Variants in MRPS7 observed in about 807,000 individuals in gnomAD.
MRPS7 encodes small ribosomal subunit protein uS7m.
MRPS7 carries 13 observed loss-of-function variants against 26.2 expected under a neutral mutation model. That is an observed-to-expected ratio of 0.50 (90% CI 0.32 to 0.79). The LOEUF (loss-of-function observed/expected upper bound fraction) is 0.79, where lower values mean the gene tolerates loss of function less well. MRPS7 is among the 30% of genes least tolerant of loss of function. MRPS7 has a pLI of 0.03. For missense variants in MRPS7, 318 were observed against 312.2 expected, an observed-to-expected ratio of 1.02 and a Z score of -0.14; for synonymous variants, 129 against 113.3, an observed-to-expected ratio of 1.14 and a Z score of -0.88.
At position 75,261,965 on chromosome 17, in the gene MRPS7, C is replaced by T; in HGVS notation, c.65C>T (p.Ala22Val). Reference protein sequence around the residue: ...WSGLALGVRRAVLQLPGLTQV... With the variant: ...WSGLALGVRRVVLQLPGLTQV... ...GGCCTGGCGTTGGGCGTGCGGCGGGCTGTCTTGCAGCTTCCAGGGTGAGAG... is the reference window on the plus strand; with the variant it reads ...GGCCTGGCGTTGGGCGTGCGGCGGGTTGTCTTGCAGCTTCCAGGGTGAGAG... The change falls in exon 1 of 5, where the codon GCT becomes GTT. Residue 22 changes from alanine (A) to valine (V), a missense_variant. Coordinates refer to ENST00000245539, the MANE Select transcript of MRPS7 (RefSeq NM_015971.4). The T allele has an allele frequency of 6.2e-7, 1 of 1,606,028 alleles. No homozygotes were observed.
chr17:75,265,649 C>T (rs929608464), intron 4 of MRPS7, 53 bp from the exon 5 acceptor site: 17 of 1,529,760 alleles, frequency 1.1e-5, no homozygotes, highest in Non-Finnish European at 1.4e-5. Context: ...GGCAGGAGGC[C>T]CCAAACCCTG....
In MRPS7 at chr17:75,265,901, T is replaced by A. The variant is rs116788769; in HGVS notation, c.707T>A (p.Leu236Gln). The change falls in exon 5 of 5, where the codon CTG becomes CAG. Residue 236 changes from leucine to glutamine, a missense_variant. Transcript: ENST00000245539. ...AAGATGGCAGAGGCCAACCGTGCCC[T>A]GGCCCACTACCGCTGGTGGTAGAGT... ...LHKMAEANRA[L>Q]AHYRWW 1 of 1,613,832 alleles carries A rather than the reference T, an allele frequency of 6.2e-7. No individual in the cohort carries two copies. The highest frequency in any genetic ancestry group is 1.3e-5 in the African/African-American group (1 of 75,064).
In MRPS7 at chr17:75,265,977, G is replaced by A; in HGVS notation, c.*54G>A. On this transcript the variant is annotated 3_prime_UTR_variant, in exon 5 of 5. Coordinates refer to ENST00000245539, the MANE Select transcript of MRPS7 (RefSeq NM_015971.4). Reference sequence around the variant, plus strand: ...GCCGCAAGAAACAGTGTGAGCTACTGCCACGCTGAAAACTACCTGTGGGTT... The same window carrying A: ...GCCGCAAGAAACAGTGTGAGCTACTACCACGCTGAAAACTACCTGTGGGTT... 1 of 1,546,280 alleles carries A rather than the reference G, an allele frequency of 6.5e-7. No homozygotes were observed.
intron 1 of MRPS7, 22 bp from the exon 2 acceptor site, chr17:75,262,475 T>G: frequency 6.2e-7 from 1 of 1,610,860 alleles, no homozygotes; most frequent in Non-Finnish European, 8.5e-7. Context: ...TTTGCCTGCC[T>G]CCTCCTTTCC....
chr17:75,261,953 G>T lies in MRPS7; in HGVS notation c.53G>T (p.Gly18Val). ...VARGWSGLAL[G>V]VRRAVLQLPG... Reference sequence around the variant, plus strand: ...CGAGGATGGTCGGGCCTGGCGTTGGGCGTGCGGCGGGCTGTCTTGCAGCTT... The same window carrying T: ...CGAGGATGGTCGGGCCTGGCGTTGGTCGTGCGGCGGGCTGTCTTGCAGCTT... Residue 18 changes from glycine to valine, a missense_variant, in exon 1 of 5, where the codon GGC becomes GTC. By Grantham distance (109) the Gly-to-Val change is moderately radical. Coordinates refer to ENST00000245539, the MANE Select transcript of MRPS7 (RefSeq NM_015971.4). 1 of 1,608,092 alleles carries T rather than the reference G, an allele frequency of 6.2e-7. No homozygotes were observed. The highest frequency in any genetic ancestry group is 8.5e-7 in the Non-Finnish European group (1 of 1,179,898).
rs762466585 is a variant in MRPS7, at chr17:75,261,924, TG to T, written c.25del (p.Ala9ProfsTer21). On this transcript the variant is annotated frameshift_variant, in exon 1 of 5. Transcript: ENST00000245539. LOFTEE classifies it high-confidence loss of function. ...AGATGGCTGCCCCCGCAGTGAAGGT[TG>T]CCCGAGGATGGTCGGGCCTGGCGTT... MAAPAVKV[A>X]RGWSGLALGV... 1 of 1,609,134 alleles carries T rather than the reference TG, an allele frequency of 6.2e-7. No individual in the cohort carries two copies. The highest frequency in any genetic ancestry group is 8.5e-7 in the Non-Finnish European group (1 of 1,179,844).
rs1323549660 is a variant in MRPS7, at chr17:75,261,969, C to G, written c.69C>G (p.Val23=). ...SGLALGVRRA[V]LQLPGLTQVR... ...TGGCGTTGGGCGTGCGGCGGGCTGT[C>G]TTGCAGCTTCCAGGGTGAGAGGGTG... is the stretch of plus-strand genomic sequence containing the variant. Residue 23 remains valine, a synonymous_variant, in exon 1 of 5, where the codon GTC becomes GTG. Transcript: ENST00000245539. 1.2e-6 allele frequency: 2 copies of G among 1,604,326 alleles called. No homozygotes were observed. The highest frequency in any genetic ancestry group is 2.7e-5 in the African/African-American group (2 of 74,014).
chr17:75,262,006 C>T lies in MRPS7; in HGVS notation c.83+23C>T, dbSNP rs62085969. 2.8e-3 allele frequency: 1,292 copies of T among 461,394 alleles called. 13 individuals are homozygous for T. The African/African-American group carries it at 0.092, about 33-fold the overall frequency. 28.6% of individuals were successfully genotyped at this position (461,394 alleles called of 1,614,324 possible). A position where few individuals can be genotyped will look rare whatever the true frequency, so the allele number is the denominator to read the frequency against. On this transcript the variant is annotated intron_variant, in intron 1 of 4. Transcript: ENST00000245539. ...AGGGTGAGAGGGTGGCGAGCAGCGG[C>T]GGGGGGGCGCTGCGAGGAAGGAAGG...
In MRPS7 at chr17:75,262,499, T is replaced by C; in HGVS notation, c.86T>C (p.Leu29Pro). The C allele has an allele frequency of 1.2e-6, 2 of 1,613,672 alleles. No homozygotes were observed. The highest frequency in any genetic ancestry group is 1.7e-6 in the Non-Finnish European group (2 of 1,179,658). Residue 29 changes from leucine (L) to proline (P), a missense_variant and splice_region_variant, in exon 2 of 5, where the codon CTA (leucine) becomes CCA (proline). Transcript: ENST00000245539. ...VRRAVLQLPG[L>P]TQVRWSRYSP... ...CTCCTCCTTTCCCCCCCTCCCAGGCTAACTCAGGTGAGATGGAGCCGCTAT... is the reference window on the plus strand; with the variant it reads ...CTCCTCCTTTCCCCCCCTCCCAGGCCAACTCAGGTGAGATGGAGCCGCTAT...
rs773700043 is a variant in MRPS7, at chr17:75,262,476, C to T, written c.84-21C>T. ...TTGTGGAGTCAGCTTTTGCCTGCCT[C>T]CTCCTTTCCCCCCCTCCCAGGCTAA... On this transcript the variant is annotated intron_variant, in intron 1 of 4. Coordinates refer to ENST00000245539, the MANE Select transcript of MRPS7 (RefSeq NM_015971.4). 3.8e-5 allele frequency: 62 copies of T among 1,610,896 alleles called. No individual in the cohort carries two copies. In the Admixed American group the frequency reaches 1.0e-3, roughly 26 times the overall value.
intron 4 of MRPS7, 105 bp from the exon 5 acceptor site, chr17:75,265,597 T>C: frequency 1.0e-6 from 1 of 990,468 alleles, no homozygotes; most frequent in Non-Finnish European, 1.5e-6. Context: ...TGACCAGGGC[T>C]GGTCCAGAGG....
At chr17:75,262,429 T>G in intron 1 of MRPS7, 68 bp from the exon 2 acceptor site, 1 of 1,536,788 alleles carries the variant, frequency 6.5e-7, no homozygotes, top group Non-Finnish European at 8.9e-7. Context: ...GTCATGCCTA[T>G]TGTTAAGTCA....
rs778630266 is a variant in MRPS7 at position 75,263,412 on chromosome 17, G to A, written c.412G>A (p.Glu138Lys). The A allele has an allele frequency of 3.2e-5, 52 of 1,613,918 alleles. No individual in the cohort carries two copies. The highest frequency in any genetic ancestry group is 1.6e-4 in the Middle Eastern group (1 of 6,084). Residue 138 changes from glutamate to lysine, a missense_variant, in exon 4 of 5, where the codon GAA becomes AAA. Physicochemically the swap from Glu to Lys is moderately conservative, Grantham distance 56. Transcript: ENST00000245539. Reference protein sequence around the residue: ...AASAEEQATIERNPYTIFHQA... With the variant: ...AASAEEQATIKRNPYTIFHQA... ...TTCTGCAGAGGAACAGGCAACCATCGAACGCAACCCCTACACCATCTTCCA... is the reference window on the plus strand; with the variant it reads ...TTCTGCAGAGGAACAGGCAACCATCAAACGCAACCCCTACACCATCTTCCA...
intron 3 of MRPS7, 39 bp downstream of exon 3, chr17:75,262,906 C>A (rs1374208079): frequency 6.3e-7 from 1 of 1,595,420 alleles, no homozygotes. Flanking sequence ...TTTCTTGCCC[C>A]CCTACCCCGT....
chr17:75,262,006 C>A (rs62085969), intron 1 of MRPS7, 23 bp downstream of exon 1: 8 of 461,318 alleles, frequency 1.7e-5, no homozygotes, highest in East Asian at 2.1e-4. Context: ...CGAGCAGCGG[C>A]GGGGGGGCGC....
chr17:75,263,591 A>C (rs1054253991), intron 4 of MRPS7, 84 bp downstream of exon 4: 1 of 1,544,696 alleles, frequency 6.5e-7, no homozygotes, highest in Non-Finnish European at 8.9e-7. Flanking sequence ...GTCAAGATTG[A>C]TAGCTTTCTA....
At chr17:75,264,413 G>A (rs2077455090) in intron 4 of MRPS7, 1 of 152,150 alleles carries the variant, frequency 6.6e-6, no homozygotes, top group African/African-American at 2.4e-5. Flanking sequence ...GTGCTTGACC[G>A]ATAACTGATG....
chr17:75,264,765 C>T (rs1183888961), intron 4 of MRPS7, among the ~76,000 whole-genome samples: 15 of 151,346 alleles, frequency 9.9e-5, no homozygotes, highest in Non-Finnish European at 1.2e-4. Flanking sequence ...CTGCAGCCTC[C>T]GCCTCCCGGG....
chr17:75,263,632 C>T lies in MRPS7; in HGVS notation c.507+125C>T, dbSNP rs2077444226. The T allele has an allele frequency of 3.9e-6, 5 of 1,278,668 alleles. No homozygotes were observed. The East Asian group carries it at 9.3e-5, about 24-fold the overall frequency. 79.2% of individuals were successfully genotyped at this position (1,278,668 alleles called of 1,614,324 possible). On this transcript the variant is annotated intron_variant, in intron 4 of 4. Coordinates refer to ENST00000245539, the MANE Select transcript of MRPS7 (RefSeq NM_015971.4). ...TGCAGTGGGATTGCACCTGTAATCT[C>T]AGCACTTTGGGAGCCTAATGCAGGA...
Sources: allele counts gnomAD v4.1 joint callset (sites outside exome capture counted in the v4.1 genomes callset), GRCh38; gene constraint gnomAD v4.1.1; transcripts MANE v1.5; gene names NCBI Gene and HGNC (gene_info 2026-07-23, HGNC 2026-07-21).